The following WDR41 variants were observed in gnomAD, a reference collection of about 807,000 sequenced individuals.
The protein encoded by WDR41 is WD repeat domain 41, also known as WD repeat-containing protein 41.
A neutral mutation model predicts 69.3 loss-of-function variants in WDR41; 63 were observed. That is an observed-to-expected ratio of 0.91 (90% CI 0.74 to 1.12). The LOEUF (loss-of-function observed/expected upper bound fraction) is 1.12. Ranked by LOEUF, WDR41 falls within the 50% of genes most tolerant of loss-of-function variation. WDR41 has a pLI of 0.00. For synonymous variants in WDR41, 185 were observed against 192.1 expected, an observed-to-expected ratio of 0.96 and a Z score of 0.31; for missense variants, 543 against 534.5, an observed-to-expected ratio of 1.02 and a Z score of -0.16.
rs1000562710 is a variant in WDR41 at position 77,492,231 on chromosome 5, G to A, written c.-11C>T. The A allele has an allele frequency of 1.2e-6, 2 of 1,612,498 alleles. No individual in the cohort carries two copies. The highest frequency in any genetic ancestry group is 2.7e-5 in the African/African-American group (2 of 74,848). On this transcript the variant is annotated 5_prime_UTR_variant, in exon 1 of 13. Transcript: ENST00000296679. Reference sequence around the variant, plus strand: ...CAGCCATCGCAACATCCGGGCAGCGGCGGCGTCTTGCCCGGTCCAGCCCCA... The same window carrying A: ...CAGCCATCGCAACATCCGGGCAGCGACGGCGTCTTGCCCGGTCCAGCCCCA...
intron 10 of WDR41, 59 bp from the exon 11 acceptor site, chr5:77,437,483 A>C: frequency 6.9e-7 from 1 of 1,444,258 alleles, no homozygotes. Context: ...CCAATGCTAA[A>C]TTTGCAGTGA....
At position 77,440,922 on chromosome 5, in the gene WDR41, T is replaced by C. The variant is rs1431557185; in HGVS notation, c.773A>G (p.Tyr258Cys). ...WDALDWTMQAYERNFWDPSPQ... is the reference protein window; with the variant it reads ...WDALDWTMQACERNFWDPSPQ... ...AGATGGGTCCCAGAAGTTGCGTTCA[T>C]AGGCCTGCATGGTCCAGTCCAGGGC... The change falls in exon 9 of 13, where the codon TAT (tyrosine) becomes TGT (cysteine). Residue 258 changes from tyrosine to cysteine, a missense_variant. Transcript: ENST00000296679. 1.3e-5 allele frequency: 21 copies of C among 1,614,212 alleles called. No individual in the cohort carries two copies. The highest frequency in any genetic ancestry group is 6.6e-5 in the South Asian group (6 of 91,082).
intron 1 of WDR41, among the ~76,000 whole-genome samples, chr5:77,548,657 G>A (rs543265583): frequency 1.3e-5 from 2 of 152,246 alleles, no homozygotes; most frequent in South Asian, 4.1e-4. Context: ...CTGTGAACAG[G>A]GAACATTTCT....
intron 3 of WDR41, among the ~76,000 whole-genome samples, chr5:77,464,043 T>C (rs1355811279): frequency 2.0e-5 from 3 of 149,532 alleles, no homozygotes; most frequent in Non-Finnish European, 4.4e-5. Flanking sequence ...TAAGTATTTA[T>C]TTAAAAAAAA....
intron 2 of WDR41, among the ~76,000 whole-genome samples, chr5:77,476,473 T>C (rs1389980581): frequency 6.6e-6 from 1 of 152,152 alleles, no homozygotes; most frequent in African/African-American, 2.4e-5. Context: ...ACAGCGGATC[T>C]CCTGGCAGAA....
intron 2 of WDR41, among the ~76,000 whole-genome samples, chr5:77,471,798 C>CA (rs1169312452): frequency 1.3e-4 from 20 of 150,942 alleles, no homozygotes; most frequent in African/African-American, 3.7e-4. Context: ...GCTTACCAAC[C>CA]AAAAAAAAAT....
In WDR41 at chr5:77,477,216, A is replaced by T. The variant is rs373011206; in HGVS notation, c.167+12241T>A. ...ACAAAGAGACTTAGACTCCCACACA[A>T]TAATAATGGGAGACTTTAACACCCC... On this transcript the variant is annotated intron_variant, in intron 2 of 12. Coordinates refer to ENST00000296679, the MANE Select transcript of WDR41 (RefSeq NM_018268.4). Among the ~76,000 whole-genome samples the T allele has an allele frequency of 5.3e-5, 8 of 150,122 alleles. No homozygotes were observed. The South Asian group carries it at 8.3e-4, about 16-fold the overall frequency.
intron 1 of WDR41, among the ~76,000 whole-genome samples, chr5:77,583,546 G>A (rs1022859446): frequency 1.3e-5 from 2 of 151,136 alleles, no homozygotes; most frequent in African/African-American, 4.9e-5. Context: ...CCACGTATAC[G>A]TTTCATGTCT....
chr5:77,436,464 A>G, intron 11 of WDR41, 70 bp from the exon 12 acceptor site: 1 of 1,576,440 alleles, frequency 6.3e-7, no homozygotes, highest in Non-Finnish European at 8.6e-7. Context: ...GAAAAACAAA[A>G]TTTAAATGTG....
At chr5:77,616,406 A>G (rs978841234) in intron 1 of WDR41, among the ~76,000 whole-genome samples, 1 of 152,188 alleles carries the variant, frequency 6.6e-6, no homozygotes, top group Non-Finnish European at 1.5e-5. Context: ...CATTATAATT[A>G]ATGTAGCAGC....
At chr5:77,451,148 G>T in intron 7 of WDR41, 143 bp downstream of exon 7, 1 of 684,158 alleles carries the variant, frequency 1.5e-6, no homozygotes, top group Non-Finnish European at 2.5e-6. Context: ...AAATGTCTTA[G>T]TCTCTGTATC....
intron 1 of WDR41, among the ~76,000 whole-genome samples, chr5:77,619,740 GTTTTTTGT>G (rs1215627764): frequency 1.3e-5 from 2 of 151,622 alleles, no homozygotes; most frequent in African/African-American, 4.8e-5. Flanking sequence ...GAAAAGGGGT[GTTTTTTGT>G]TTTTTTGTTT....
intron 1 of WDR41, among the ~76,000 whole-genome samples, chr5:77,617,393 TAC>T (rs58840270): frequency 6.0e-5 from 9 of 150,920 alleles, no homozygotes; most frequent in South Asian, 2.1e-4. Context: ...TCTACACACA[TAC>T]ACACACACAC....
intron 1 of WDR41, among the ~76,000 whole-genome samples, chr5:77,572,302 T>A (rs1432302282): frequency 6.6e-6 from 1 of 152,200 alleles, no homozygotes; most frequent in East Asian, 1.9e-4. Flanking sequence ...GAAGTGGCAA[T>A]GCTGAAACTT....
At chr5:77,441,051 A>G in intron 8 of WDR41, 54 bp from the exon 9 acceptor site, 2 of 1,576,168 alleles carry the variant, frequency 1.3e-6, no homozygotes, top group Non-Finnish European at 1.7e-6. Context: ...ATGTAAAGAT[A>G]TAACTGAATG....
At chr5:77,575,183 T>A (rs375576769) in intron 1 of WDR41, among the ~76,000 whole-genome samples, 1 of 152,336 alleles carries the variant, frequency 6.6e-6, no homozygotes, top group African/African-American at 2.4e-5. Context: ...CTTTCTTCCA[T>A]CATTATACCA....
chr5:77,436,580 T>C (rs1798943895), intron 11 of WDR41, among the ~76,000 whole-genome samples, 186 bp from the exon 12 acceptor site: 1 of 152,238 alleles, frequency 6.6e-6, no homozygotes, highest in Non-Finnish European at 1.5e-5. Context: ...TAACCAGGTC[T>C]GTTCTTCATC....
chr5:77,531,266 G>A (rs1802525633), intron 1 of WDR41, among the ~76,000 whole-genome samples: 2 of 151,826 alleles, frequency 1.3e-5, no homozygotes, highest in Admixed American at 1.3e-4. Context: ...TCTGAAAAGG[G>A]TCTCACATCC....
intron 2 of WDR41, among the ~76,000 whole-genome samples, chr5:77,488,805 G>A (rs1040343401): frequency 1.3e-5 from 2 of 151,960 alleles, no homozygotes; most frequent in African/African-American, 4.8e-5. Flanking sequence ...TAGAGAGGAC[G>A]AAAATATTGA....
Sources: gnomAD v4.1 joint callset for allele counts (sites outside exome capture counted in the v4.1 genomes callset) on GRCh38, gnomAD v4.1.1 for gene constraint, MANE v1.5 for transcripts, NCBI Gene and HGNC (gene_info 2026-07-23, HGNC 2026-07-21) for gene names.